REDIC1: variants seen among roughly 807,000 people sequenced by gnomAD.
The protein encoded by REDIC1 is regulator of DNA class I crossover intermediates 1.
At chr12:39,837,562 A>C in the REDIC1 span, among the ~76,000 whole-genome samples, 1 of 144,954 alleles carries the variant, frequency 6.9e-6, no homozygotes, top group African/African-American at 2.6e-5. Flanking sequence ...CAACCTACAA[A>C]ATGGGAGAAA....
At chr12:39,733,069 G>GCATA in the REDIC1 span, among the ~76,000 whole-genome samples, 1 of 148,452 alleles carries the variant, frequency 6.7e-6, no homozygotes, top group South Asian at 2.1e-4. Context: ...GCAGAAAAAT[G>GCATA]CACACACACA....
chr12:39,873,198 A>T, the REDIC1 span, among the ~76,000 whole-genome samples: 1 of 152,176 alleles, frequency 6.6e-6, no homozygotes, highest in Non-Finnish European at 1.5e-5. Flanking sequence ...AGCATGAAGG[A>T]TGTGTTTTAC....
the REDIC1 span, among the ~76,000 whole-genome samples, chr12:39,787,059 T>C: frequency 3.9e-5 from 6 of 152,168 alleles, no homozygotes; most frequent in Non-Finnish European, 8.8e-5. Context: ...TACCTAGATG[T>C]TACGGTAAAC....
chr12:39,680,538 ACTAG>A, the REDIC1 span, among the ~76,000 whole-genome samples: 1 of 152,210 alleles, frequency 6.6e-6, no homozygotes, highest in Non-Finnish European at 1.5e-5. Flanking sequence ...GGGTATGTAA[ACTAG>A]TACAACCACT....
At chr12:39,769,874 C>A in the REDIC1 span, among the ~76,000 whole-genome samples, 1 of 152,082 alleles carries the variant, frequency 6.6e-6, no homozygotes, top group African/African-American at 2.4e-5. Context: ...CTCCCAGATG[C>A]TGGCTAACTT....
the REDIC1 span, among the ~76,000 whole-genome samples, chr12:39,856,229 C>T: frequency 6.6e-6 from 1 of 152,154 alleles, no homozygotes; most frequent in Admixed American, 6.5e-5. Context: ...CTTCATCCAT[C>T]TATCCATGCA....
chr12:39,857,938 G>A, the REDIC1 span, among the ~76,000 whole-genome samples: 2 of 152,088 alleles, frequency 1.3e-5, no homozygotes, highest in Non-Finnish European at 2.9e-5. Context: ...GGCTTCCCAA[G>A]AAGCATTTTT....
the REDIC1 span, among the ~76,000 whole-genome samples, chr12:39,713,231 C>G: frequency 7.5e-6 from 1 of 133,244 alleles, no homozygotes; most frequent in African/African-American, 3.1e-5. Flanking sequence ...TACACATATA[C>G]GTGTATATAT....
the REDIC1 span, among the ~76,000 whole-genome samples, chr12:39,747,362 G>A: frequency 2.0e-5 from 3 of 152,290 alleles, no homozygotes; most frequent in South Asian, 6.2e-4. Context: ...GAAGTGAGAA[G>A]AGAAGTTTAG....
the REDIC1 span, among the ~76,000 whole-genome samples, chr12:39,635,731 G>A: frequency 3.9e-5 from 6 of 152,066 alleles, no homozygotes; most frequent in South Asian, 2.1e-4. Context: ...AACATGGCAC[G>A]TGTATAGCTA....
the REDIC1 span, among the ~76,000 whole-genome samples, chr12:39,860,594 G>A: frequency 2.0e-5 from 3 of 152,108 alleles, no homozygotes; most frequent in African/African-American, 2.4e-5. Context: ...AAAATTGCAC[G>A]CATGGTCTTA....
chr12:39,793,419 G>A, the REDIC1 span, among the ~76,000 whole-genome samples: 1 of 152,252 alleles, frequency 6.6e-6, no homozygotes, highest in South Asian at 2.1e-4. Flanking sequence ...TAGAGTCAAT[G>A]TAAGTCCAAT....
the REDIC1 span, among the ~76,000 whole-genome samples, chr12:39,840,416 A>G: frequency 6.6e-6 from 1 of 151,904 alleles, no homozygotes. Context: ...AGAGCTTCCC[A>G]TTGCCTATAG....
At chr12:39,737,720 C>A in the REDIC1 span, among the ~76,000 whole-genome samples, 2 of 152,182 alleles carry the variant, frequency 1.3e-5, no homozygotes, top group Non-Finnish European at 2.9e-5. Context: ...AAAGCCTATG[C>A]TCTAATGACT....
At chr12:39,790,726 T>C in the REDIC1 span, among the ~76,000 whole-genome samples, 2 of 88,736 alleles carry the variant, frequency 2.3e-5, no homozygotes, top group Non-Finnish European at 4.4e-5. Context: ...GTCATTTGGG[T>C]ATATACCCAG....
At chr12:39,659,247 T>C in the REDIC1 span, among the ~76,000 whole-genome samples, 1 of 151,978 alleles carries the variant, frequency 6.6e-6, no homozygotes, top group Non-Finnish European at 1.5e-5. Context: ...CATGATTTTT[T>C]AAACATTGAT....
the REDIC1 span, among the ~76,000 whole-genome samples, chr12:39,805,895 C>T: frequency 2.6e-5 from 4 of 152,094 alleles, no homozygotes; most frequent in African/African-American, 9.7e-5. Flanking sequence ...AAGCTGTGGG[C>T]AGGATTTGCT....
the REDIC1 span, chr12:39,754,478 A>G: frequency 1.3e-5 from 2 of 152,254 alleles, no homozygotes; most frequent in South Asian, 4.1e-4. Flanking sequence ...AGTCTTCAGA[A>G]GATCTCCTTG....
At chr12:39,720,693 T>C in the REDIC1 span, 247 of 962,184 alleles carry the variant, frequency 2.6e-4, 2 homozygotes, top group African/African-American at 3.8e-3. Context: ...AAATTTTCTA[T>C]AGTTGGGATT....
Sources: gnomAD v4.1 joint callset for allele counts (sites outside exome capture counted in the v4.1 genomes callset) on GRCh38, gnomAD v4.1.1 for gene constraint, MANE v1.5 for transcripts, NCBI Gene and HGNC (gene_info 2026-07-23, HGNC 2026-07-21) for gene names.